ATF1: variants seen among roughly 807,000 people sequenced by gnomAD.
ATF1 encodes the protein cyclic AMP-dependent transcription factor ATF-1.
A neutral mutation model predicts 34.7 loss-of-function variants in ATF1; 16 were observed. The observed-to-expected ratio is 0.46, with a 90% confidence interval of 0.31 to 0.70. The LOEUF (loss-of-function observed/expected upper bound fraction) is 0.70, where lower values mean the gene tolerates loss of function less well. Among genes scored for constraint, ATF1 ranks in the 30% least tolerant of loss-of-function variants. ATF1 has a pLI of 0.05. For synonymous variants in ATF1, 105 were observed against 113.1 expected (o/e 0.93, Z 0.46); for missense variants, 255 against 321.6 (o/e 0.79, Z 1.58).
intron 2 of ATF1, among the ~76,000 whole-genome samples, chr12:50,787,920 A>C (rs1941218569): frequency 6.6e-6 from 1 of 152,304 alleles, no homozygotes; most frequent in South Asian, 2.1e-4. Context: ...GTGGAATAAT[A>C]TCTCTTTAAC....
intron 1 of ATF1, among the ~76,000 whole-genome samples, chr12:50,773,189 C>A (rs899842606): frequency 6.6e-6 from 1 of 152,086 alleles, no homozygotes; most frequent in African/African-American, 2.4e-5. Flanking sequence ...GGGTTGATTG[C>A]ATGTCTTTGC....
At chr12:50,808,453 C>A (rs375977416) in intron 3 of ATF1, among the ~76,000 whole-genome samples, 2 of 151,732 alleles carry the variant, frequency 1.3e-5, no homozygotes, top group Admixed American at 6.6e-5. Flanking sequence ...CTCAGCCCCC[C>A]GAGTAGCTGG....
At chr12:50,817,156 G>A (rs1941860533) in intron 6 of ATF1, among the ~76,000 whole-genome samples, 1 of 152,120 alleles carries the variant, frequency 6.6e-6, no homozygotes, top group East Asian at 1.9e-4. Context: ...GTTTTAGTCT[G>A]TGTGACTGAG....
chr12:50,805,649 C>G (rs1413567013), intron 3 of ATF1, among the ~76,000 whole-genome samples: 1 of 150,104 alleles, frequency 6.7e-6, no homozygotes, highest in Non-Finnish European at 1.5e-5. Context: ...TGTAGTAAGT[C>G]TCCTTATTAA....
intron 1 of ATF1, among the ~76,000 whole-genome samples, chr12:50,779,550 CTT>C (rs199952392): frequency 2.3e-4 from 32 of 139,432 alleles, no homozygotes; most frequent in Non-Finnish European, 3.0e-4. Flanking sequence ...AGCCCTCTCT[CTT>C]TTTTTTTTTT....
intron 2 of ATF1, among the ~76,000 whole-genome samples, chr12:50,789,626 G>A (rs1941258594): frequency 6.6e-6 from 1 of 151,994 alleles, no homozygotes; most frequent in Admixed American, 6.6e-5. Flanking sequence ...GAAGTAGTGG[G>A]CGCCTGTCAT....
At chr12:50,798,071 C>T (rs1941444012) in intron 3 of ATF1, among the ~76,000 whole-genome samples, 1 of 151,330 alleles carries the variant, frequency 6.6e-6, no homozygotes, top group African/African-American at 2.4e-5. Context: ...CCAGCTTGAA[C>T]CCAGGGGGCG....
chr12:50,806,414 T>C (rs879428686), intron 3 of ATF1: 4 of 490,774 alleles, frequency 8.2e-6, no homozygotes, highest in Non-Finnish European at 1.7e-5. Context: ...ATGCTGACAA[T>C]GGTTCCCATC....
intron 3 of ATF1, chr12:50,806,466 T>C: frequency 3.2e-6 from 1 of 307,732 alleles, no homozygotes; most frequent in Non-Finnish European, 7.3e-6. Context: ...AGGGCGGGCT[T>C]TGCTCCAGCA....
intron 4 of ATF1, among the ~76,000 whole-genome samples, chr12:50,811,687 G>A (rs1289532320): frequency 2.0e-5 from 3 of 150,736 alleles, no homozygotes; most frequent in African/African-American, 4.9e-5. Context: ...CCATCTACTC[G>A]GGAGGCTGAA....
At chr12:50,793,700 G>GTTT (rs1941352116) in intron 2 of ATF1, among the ~76,000 whole-genome samples, 1 of 17,340 alleles carries the variant, frequency 5.8e-5, no homozygotes, top group Non-Finnish European at 3.7e-4. Context: ...CTTAATTATT[G>GTTT]GTTATTTCTT....
rs1024398104 is a variant in ATF1 at position 50,809,463 on chromosome 12, T to G, written c.202T>G (p.Leu68Val). ...LARRPSYRKI[L>V]KDLSSEDTRG... ...TTCTGGTTTTTTTTACAGAAAAATTTTGAAAGACTTATCTTCTGAAGATAC... is the reference window on the plus strand; with the variant it reads ...TTCTGGTTTTTTTTACAGAAAAATTGTGAAAGACTTATCTTCTGAAGATAC... The change falls in exon 4 of 7, where the codon TTG (leucine) becomes GTG (valine). Residue 68 changes from leucine to valine, a missense_variant. Around this residue, in one of 2 missense-constraint regions of ATF1, gnomAD observed 221 missense variants for 250.7 expected, o/e 0.88. Transcript: ENST00000262053. 3.7e-6 allele frequency: 6 copies of G among 1,611,580 alleles called. No homozygotes were observed. Among genetic ancestry groups the G allele is most frequent in the Non-Finnish European group, 5.1e-6 (6 of 1,178,734 alleles).
chr12:50,786,738 G>T (rs1050298699), intron 2 of ATF1, among the ~76,000 whole-genome samples: 4 of 152,162 alleles, frequency 2.6e-5, no homozygotes, highest in African/African-American at 9.7e-5. Context: ...TTCTGCCACT[G>T]GGAGAAAGCC....
chr12:50,768,492 G>A (rs900672863), intron 1 of ATF1, among the ~76,000 whole-genome samples: 2 of 152,172 alleles, frequency 1.3e-5, no homozygotes, highest in Admixed American at 6.5e-5. Flanking sequence ...GACCCCTTTC[G>A]TGGCCCTGTT....
chr12:50,813,768 C>T lies in ATF1; in HGVS notation c.329-242C>T, dbSNP rs574155093. On this transcript the variant is annotated intron_variant, in intron 4 of 6. Coordinates refer to ENST00000262053, the MANE Select transcript of ATF1 (RefSeq NM_005171.5). Reference sequence around the variant, plus strand: ...GGCAGAGGTTGCAGCCAGCCGAGATCGTGCCACTGCACTCCAGCCTGGGCG... The same window carrying T: ...GGCAGAGGTTGCAGCCAGCCGAGATTGTGCCACTGCACTCCAGCCTGGGCG... 5.3e-4 allele frequency among the ~76,000 whole-genome samples: 80 copies of T among 151,880 alleles called. No homozygotes were observed. The Middle Eastern group carries it at 0.027, about 52-fold the overall frequency.
chr12:50,766,579 A>G (rs1186835100), intron 1 of ATF1, among the ~76,000 whole-genome samples: 3 of 151,718 alleles, frequency 2.0e-5, no homozygotes, highest in Non-Finnish European at 2.9e-5. Context: ...ATATGTATAC[A>G]TGTGCCATGC....
chr12:50,769,828 A>G (rs117539052), intron 1 of ATF1, among the ~76,000 whole-genome samples: 6,293 of 152,296 alleles, frequency 0.041, 227 homozygotes, highest in Admixed American at 0.11. Context: ...ATAGAACTCT[A>G]GCAGGTGTTC....
At chr12:50,794,495 G>T (rs1386034415) in intron 2 of ATF1, among the ~76,000 whole-genome samples, 2 of 151,682 alleles carry the variant, frequency 1.3e-5, no homozygotes, top group African/African-American at 4.8e-5. Flanking sequence ...AACCCAGGAG[G>T]TGGAGGTTGC....
At chr12:50,773,910 C>T (rs771799739) in intron 1 of ATF1, among the ~76,000 whole-genome samples, 22 of 152,038 alleles carry the variant, frequency 1.4e-4, no homozygotes, top group African/African-American at 4.3e-4. Context: ...ATTTGACTGA[C>T]GTGAGATGGT....
Sources: allele counts gnomAD v4.1 joint callset (sites outside exome capture counted in the v4.1 genomes callset), GRCh38; gene constraint gnomAD v4.1.1; regional missense constraint gnomAD v4.1.1; transcripts MANE v1.5; gene names NCBI Gene and HGNC (gene_info 2026-07-23, HGNC 2026-07-21).